Variants in OLA1 observed in about 807,000 individuals in gnomAD.
OLA1 encodes Obg like ATPase 1, also known as obg-like ATPase 1.
A neutral mutation model predicts 48.4 loss-of-function variants in OLA1; 14 were observed. The observed-to-expected ratio is 0.29, with a 90% CI of 0.19 to 0.45. The LOEUF (loss-of-function observed/expected upper bound fraction) is 0.45, where lower values mean the gene tolerates loss of function less well. OLA1 is among the 20% of genes least tolerant of loss of function. The pLI is 1.00. For synonymous variants in OLA1, 127 were observed against 150.4 expected (o/e 0.84, Z 1.14); for missense variants, 325 against 467.1 (o/e 0.70, Z 2.80).
chr2:174,131,385 CT>C (rs987241330), intron 5 of OLA1, among the ~76,000 whole-genome samples: 33 of 152,160 alleles, frequency 2.2e-4, no homozygotes, highest in African/African-American at 7.7e-4. Flanking sequence ...GCTGTTTACA[CT>C]TTAAGGCTAT....
At chr2:174,147,119 T>C (rs74746103) in intron 4 of OLA1, among the ~76,000 whole-genome samples, 1 of 152,148 alleles carries the variant, frequency 6.6e-6, no homozygotes, top group Non-Finnish European at 1.5e-5. Flanking sequence ...TTTCAAGTTG[T>C]GTGACTGAAC....
chr2:174,213,517 G>C (rs749662316), intron 4 of OLA1, among the ~76,000 whole-genome samples: 6 of 152,026 alleles, frequency 3.9e-5, no homozygotes, highest in Non-Finnish European at 8.8e-5. Flanking sequence ...CTAAGGATTT[G>C]GTGAAATCAA....
chr2:174,225,898 G>C (rs1340301788), intron 3 of OLA1, among the ~76,000 whole-genome samples: 2 of 151,860 alleles, frequency 1.3e-5, no homozygotes, highest in African/African-American at 4.8e-5. Context: ...ATTTTCTATT[G>C]AAAATGAGCT....
intron 10 of OLA1, among the ~76,000 whole-genome samples, chr2:174,075,938 G>T (rs1684725740): frequency 6.6e-6 from 1 of 152,186 alleles, no homozygotes; most frequent in Admixed American, 6.5e-5. Flanking sequence ...TTTGCTTAAA[G>T]AAATCCTTTG....
chr2:174,122,871 T>G (rs1032253611), intron 7 of OLA1, among the ~76,000 whole-genome samples: 7 of 152,156 alleles, frequency 4.6e-5, no homozygotes, highest in African/African-American at 1.7e-4. Context: ...GTTTTATTGT[T>G]GTGACTACAT....
intron 4 of OLA1, among the ~76,000 whole-genome samples, chr2:174,173,528 T>A: frequency 6.6e-6 from 1 of 150,832 alleles, no homozygotes; most frequent in Non-Finnish European, 1.5e-5. Flanking sequence ...GAACTTCATT[T>A]TAAATCTGTG....
chr2:174,115,513 T>C (rs1267469396), intron 7 of OLA1, among the ~76,000 whole-genome samples: 1 of 152,194 alleles, frequency 6.6e-6, no homozygotes, highest in African/African-American at 2.4e-5. Context: ...TTAGAACACA[T>C]TTAGAACATG....
chr2:174,176,462 A>G (rs1321280755), intron 4 of OLA1, among the ~76,000 whole-genome samples: 1 of 152,190 alleles, frequency 6.6e-6, no homozygotes, highest in Admixed American at 6.5e-5. Flanking sequence ...AAAAAATATC[A>G]ATTTAAAATA....
At chr2:174,224,848 T>C (rs1688580706) in intron 3 of OLA1, among the ~76,000 whole-genome samples, 1 of 152,154 alleles carries the variant, frequency 6.6e-6, no homozygotes, top group South Asian at 2.1e-4. Context: ...TTTGATGATA[T>C]CACTGAGCTA....
At chr2:174,242,493 G>A (rs1202967598) in intron 2 of OLA1, among the ~76,000 whole-genome samples, 2 of 152,136 alleles carry the variant, frequency 1.3e-5, no homozygotes, top group Non-Finnish European at 2.9e-5. Flanking sequence ...CATGAGGTTC[G>A]GGAACCCTAG....
At chr2:174,224,909 G>A (rs1688582463) in intron 3 of OLA1, among the ~76,000 whole-genome samples, 1 of 152,202 alleles carries the variant, frequency 6.6e-6, no homozygotes, top group Admixed American at 6.5e-5. Context: ...TTAAGTCACT[G>A]TGTTAAGGGC....
intron 5 of OLA1, among the ~76,000 whole-genome samples, chr2:174,127,920 T>A (rs1469324371): frequency 6.6e-6 from 1 of 152,008 alleles, no homozygotes; most frequent in Non-Finnish European, 1.5e-5. Flanking sequence ...ATAATAGGGA[T>A]GTTGGAGAAT....
intron 3 of OLA1, among the ~76,000 whole-genome samples, chr2:174,224,922 C>T (rs1395402528): frequency 6.6e-6 from 1 of 152,196 alleles, no homozygotes; most frequent in African/African-American, 2.4e-5. Flanking sequence ...TTAAGGGCAA[C>T]TAAATTCATC....
chr2:174,188,352 A>C (rs1395553471), intron 4 of OLA1, among the ~76,000 whole-genome samples: 1 of 149,928 alleles, frequency 6.7e-6, no homozygotes, highest in Non-Finnish European at 1.5e-5. Flanking sequence ...AATTGCCTCT[A>C]ATGTTTCTTT....
At chr2:174,143,819 T>G (rs1686515765) in intron 4 of OLA1, among the ~76,000 whole-genome samples, 1 of 151,168 alleles carries the variant, frequency 6.6e-6, no homozygotes, top group Admixed American at 6.6e-5. Flanking sequence ...AAATTATCTT[T>G]TAGGTTGGGT....
rs1454223432 is a variant in OLA1, at chr2:174,152,088, G to A, written c.374-10088C>T. On this transcript the variant is annotated intron_variant, in intron 4 of 10. Transcript: ENST00000284719. ...TATGTATCTTTGCATTAAGTAAGAT[G>A]TGTAGTTTTAATTACTTTCCTTAAG... Among the ~76,000 whole-genome samples the A allele has an allele frequency of 2.0e-5, 3 of 152,180 alleles. No homozygotes were observed. In the East Asian group the frequency reaches 5.8e-4, roughly 29 times the overall value.
intron 2 of OLA1, among the ~76,000 whole-genome samples, chr2:174,238,625 A>G (rs1045859500): frequency 6.6e-6 from 1 of 152,206 alleles, no homozygotes; most frequent in Non-Finnish European, 1.5e-5. Context: ...CTGTGCGCAC[A>G]TAAAATGGTG....
intron 4 of OLA1, among the ~76,000 whole-genome samples, chr2:174,220,464 T>G (rs1340955678): frequency 6.6e-6 from 1 of 152,214 alleles, no homozygotes; most frequent in East Asian, 1.9e-4. Flanking sequence ...TGTACACAAC[T>G]AGAAAGACAT....
At chr2:174,216,999 A>C (rs1217672505) in intron 4 of OLA1, among the ~76,000 whole-genome samples, 1 of 152,114 alleles carries the variant, frequency 6.6e-6, no homozygotes, top group Non-Finnish European at 1.5e-5. Flanking sequence ...GTTTTTGGGG[A>C]GTTAAAAGTT....
Sources: gnomAD v4.1 joint callset for allele counts (sites outside exome capture counted in the v4.1 genomes callset) on GRCh38, gnomAD v4.1.1 for gene constraint, MANE v1.5 for transcripts, NCBI Gene and HGNC (gene_info 2026-07-23, HGNC 2026-07-21) for gene names.